Variants in CTNNA2 observed in about 807,000 individuals in gnomAD.
The protein encoded by CTNNA2 is catenin alpha-2.
A neutral mutation model predicts 101.0 loss-of-function variants in CTNNA2; 42 were observed. That is an observed-to-expected ratio of 0.42 (90% CI 0.32 to 0.54). The LOEUF (loss-of-function observed/expected upper bound fraction) is 0.54, where lower values mean the gene tolerates loss of function less well. Ranked by LOEUF, CTNNA2 falls within the 20% of genes least tolerant of loss-of-function variation. The pLI is 0.14. For synonymous variants in CTNNA2, 450 were observed against 456.4 expected (o/e 0.99, Z 0.18); for missense variants, 871 against 1,223.1 (o/e 0.71, Z 4.29).
At chr2:79,583,475 G>A (rs1573402129) in intron 1 of CTNNA2, among the ~76,000 whole-genome samples, 2 of 151,536 alleles carry the variant, frequency 1.3e-5, no homozygotes, top group African/African-American at 4.9e-5. Context: ...AGTGATTCTT[G>A]TTGATATATA....
At chr2:80,132,455 C>T (rs753225957) in intron 7 of CTNNA2, among the ~76,000 whole-genome samples, 47 of 152,210 alleles carry the variant, frequency 3.1e-4, no homozygotes, top group Middle Eastern at 3.4e-3. Flanking sequence ...CCATAAAATC[C>T]GAGTACGTGT....
chr2:79,962,409 A>G lies in CTNNA2; in HGVS notation c.1056+52612A>G, dbSNP rs138927907. ...AAGGCATGCCTCTTAATACTGTCACACTGGGGATGAGGTTTTAACATATGA... is the reference window on the plus strand; with the variant it reads ...AAGGCATGCCTCTTAATACTGTCACGCTGGGGATGAGGTTTTAACATATGA... On this transcript the variant is annotated intron_variant, in intron 7 of 18. Coordinates refer to ENST00000402739, the MANE Select transcript of CTNNA2 (RefSeq NM_001282597.3). Among the ~76,000 whole-genome samples the G allele has an allele frequency of 1.7e-3, 256 of 152,314 alleles. 1 individual carries two copies. The highest frequency in any genetic ancestry group is 5.8e-3 in the African/African-American group (242 of 41,576).
chr2:79,719,743 A>G (rs771544618), intron 2 of CTNNA2, among the ~76,000 whole-genome samples: 1 of 151,864 alleles, frequency 6.6e-6, no homozygotes, highest in African/African-American at 2.4e-5. Flanking sequence ...TAATGCGGTT[A>G]TTTGTGCTTT....
chr2:79,277,048 T>A (rs1254069732), intron 2 of CTNNA2, among the ~76,000 whole-genome samples: 1 of 152,046 alleles, frequency 6.6e-6, no homozygotes. Context: ...TGAAAATGAA[T>A]CTTTGAATCT....
At chr2:80,449,287 TTAAATAAATAAATAAA>T (rs72400269) in intron 9 of CTNNA2, among the ~76,000 whole-genome samples, 3 of 149,790 alleles carry the variant, frequency 2.0e-5, no homozygotes, top group Admixed American at 6.6e-5. Flanking sequence ...GTCTCTAAAA[TTAAATAAATAAATAAA>T]TAAATAAATA....
At chr2:80,189,926 A>T (rs150472362) in intron 7 of CTNNA2, among the ~76,000 whole-genome samples, 656 of 152,252 alleles carry the variant, frequency 4.3e-3, no homozygotes, top group Middle Eastern at 0.01. Context: ...TAATCAGAAG[A>T]TGTTAAAATG....
intron 2 of CTNNA2, among the ~76,000 whole-genome samples, chr2:79,234,735 C>T (rs1674535106): frequency 6.6e-6 from 1 of 151,998 alleles, no homozygotes; most frequent in African/African-American, 2.4e-5. Flanking sequence ...TTGTAAAATT[C>T]TTTTTTCCTT....
At chr2:79,944,589 A>C (rs574135616) in intron 7 of CTNNA2, among the ~76,000 whole-genome samples, 39 of 152,260 alleles carry the variant, frequency 2.6e-4, no homozygotes, top group Admixed American at 1.9e-3. Context: ...TGCAGTGTGG[A>C]GCGGGGTGGG....
chr2:79,720,543 A>T (rs1257150554), intron 2 of CTNNA2, among the ~76,000 whole-genome samples: 3 of 152,040 alleles, frequency 2.0e-5, no homozygotes, highest in African/African-American at 4.8e-5. Context: ...CTTTTCATTT[A>T]TTCGTGTTTT....
At chr2:79,333,374 A>C (rs72818636) in intron 3 of CTNNA2, among the ~76,000 whole-genome samples, 5,668 of 152,238 alleles carry the variant, frequency 0.037, 167 homozygotes, top group Non-Finnish European at 0.058. Flanking sequence ...TTTAAAATTC[A>C]ATCAATAAAA....
intron 18 of CTNNA2, among the ~76,000 whole-genome samples, chr2:80,624,643 T>G (rs1156805140): frequency 6.6e-6 from 1 of 151,730 alleles, no homozygotes; most frequent in Non-Finnish European, 1.5e-5. Flanking sequence ...GCCAGAATCT[T>G]CTGTATTTAT....
intron 2 of CTNNA2, among the ~76,000 whole-genome samples, chr2:79,202,349 T>C (rs1181357673): frequency 1.5e-5 from 2 of 136,106 alleles, no homozygotes; most frequent in African/African-American, 5.6e-5. Flanking sequence ...TTTTTATTTT[T>C]TTTATTTTTT....
intron 7 of CTNNA2, among the ~76,000 whole-genome samples, chr2:80,215,311 G>A (rs1558911017): frequency 6.6e-6 from 1 of 152,114 alleles, no homozygotes; most frequent in Non-Finnish European, 1.5e-5. Flanking sequence ...TGCTGGTGAG[G>A]AGCTGCATTC....
Position 80,060,070 on chromosome 2 carries a change from C to G in CTNNA2, c.1056+150273C>G, listed in dbSNP as rs535078059. Among the ~76,000 whole-genome samples, 7 of 152,272 alleles carry G rather than the reference C, an allele frequency of 4.6e-5. No individual in the cohort carries two copies. The East Asian group carries it at 1.2e-3, about 25-fold the overall frequency. On this transcript the variant is annotated intron_variant, in intron 7 of 18. Transcript: ENST00000402739. ...CAGGATTTCTCGATCTCACTGAGTC[C>G]AAGAATGAGCATGGGAGAGTCATGC...
chr2:80,504,568 A>G (rs764810210), intron 9 of CTNNA2, among the ~76,000 whole-genome samples: 3 of 152,194 alleles, frequency 2.0e-5, no homozygotes, highest in Non-Finnish European at 4.4e-5. Flanking sequence ...TGTCTACAAC[A>G]TGAATGAAGC....
At chr2:79,786,397 A>G (rs1674849703) in intron 3 of CTNNA2, among the ~76,000 whole-genome samples, 1 of 152,162 alleles carries the variant, frequency 6.6e-6, no homozygotes, top group African/African-American at 2.4e-5. Context: ...TATAAAATGT[A>G]AGGTAATGGA....
At chr2:80,068,245 T>C (rs1330810887) in intron 7 of CTNNA2, among the ~76,000 whole-genome samples, 1 of 152,164 alleles carries the variant, frequency 6.6e-6, no homozygotes, top group Non-Finnish European at 1.5e-5. Context: ...AGCACAGTAC[T>C]GGAGGCCAGT....
At chr2:80,395,475 T>G (rs1677923241) in intron 8 of CTNNA2, among the ~76,000 whole-genome samples, 1 of 152,220 alleles carries the variant, frequency 6.6e-6, no homozygotes, top group Non-Finnish European at 1.5e-5. Flanking sequence ...ATTTTTGTCT[T>G]TCTTCTCATC....
rs529777400 is a variant in CTNNA2 at position 80,603,771 on chromosome 2, G to A, written c.2190-303G>A. The A allele has an allele frequency of 1.5e-3, 456 of 298,632 alleles. 4 individuals carry two copies. The highest frequency in any genetic ancestry group is 2.3e-4 in the Non-Finnish European group (37 of 158,148). 18.5% of individuals were successfully genotyped at this position (298,632 alleles called of 1,614,324 possible). ...GTCTGTACAACAGCTTTTGGTACAC[G>A]GTAAGCAACTATAAAATTTTCATTT... On this transcript the variant is annotated intron_variant, in intron 15 of 18. Coordinates refer to ENST00000402739, the MANE Select transcript of CTNNA2 (RefSeq NM_001282597.3).
Sources: gnomAD v4.1 joint callset for allele counts (sites outside exome capture counted in the v4.1 genomes callset) on GRCh38, gnomAD v4.1.1 for gene constraint, MANE v1.5 for transcripts, NCBI Gene and HGNC (gene_info 2026-07-23, HGNC 2026-07-21) for gene names.